Variants in KIAA1217 observed in about 807,000 individuals in gnomAD.
KIAA1217 encodes KIAA1217, also known as sickle tail protein homolog.
Under a neutral mutation model 163.9 loss-of-function variants are expected in KIAA1217, and 88 were observed. The ratio of observed to expected loss-of-function variants is 0.54; its 90% CI spans 0.45 to 0.64. KIAA1217 has a LOEUF of 0.64. KIAA1217 is among the 30% of genes least tolerant of loss of function. The pLI, the probability that KIAA1217 is intolerant of heterozygous loss-of-function variation, is 0.00. For missense variants in KIAA1217, 2,372 were observed against 2,475.0 expected (o/e 0.96, Z 0.88); for synonymous variants, 903 against 923.1 (o/e 0.98, Z 0.39).
chr10:24,328,810 C>A (rs2045283246), intron 2 of KIAA1217, among the ~76,000 whole-genome samples: 1 of 151,838 alleles, frequency 6.6e-6, no homozygotes, highest in Admixed American at 6.6e-5. Flanking sequence ...ATACCTACTA[C>A]CATTCTGCTG....
At chr10:24,525,397 C>A (rs2071979129) in intron 13 of KIAA1217, among the ~76,000 whole-genome samples, 1 of 152,142 alleles carries the variant, frequency 6.6e-6, no homozygotes, top group Non-Finnish European at 1.5e-5. Flanking sequence ...CTAAGCCTGT[C>A]TAAGTGGAAC....
intron 1 of KIAA1217, among the ~76,000 whole-genome samples, chr10:23,742,312 C>T (rs1337670406): frequency 6.6e-6 from 1 of 152,116 alleles, no homozygotes; most frequent in Admixed American, 6.6e-5. Flanking sequence ...AAGAGTGTGA[C>T]ATCTTGGAAA....
At position 24,545,523 on chromosome 10, in the gene KIAA1217, C is replaced by A. The variant is rs961245799; in HGVS notation, c.5335-304C>A. On this transcript the variant is annotated intron_variant, in intron 20 of 20. Transcript: ENST00000376454. ...ACACTCCGTCACAATGCCCGACCCCCACCCCAGTAATTATCCAGACGCATG... is the reference window on the plus strand; with the variant it reads ...ACACTCCGTCACAATGCCCGACCCCAACCCCAGTAATTATCCAGACGCATG... The A allele has an allele frequency of 5.3e-6, 7 of 1,310,420 alleles. No homozygotes were observed. The African/African-American group carries it at 7.4e-5, about 14-fold the overall frequency. The allele number at this position is 1,310,420 out of a possible 1,614,324, so 81.2% of individuals were successfully genotyped here.
At chr10:24,442,495 C>T (rs1591978238) in intron 5 of KIAA1217, among the ~76,000 whole-genome samples, 1 of 152,112 alleles carries the variant, frequency 6.6e-6, no homozygotes, top group Admixed American at 6.5e-5. Context: ...AATTCAAGAC[C>T]CAAATGTTCA....
intron 2 of KIAA1217, among the ~76,000 whole-genome samples, chr10:24,264,853 GTCTCTCTT>G (rs1421280680): frequency 7.9e-6 from 1 of 127,192 alleles, no homozygotes; most frequent in Admixed American, 8.4e-5. Flanking sequence ...CTCTTTCTCT[GTCTCTCTT>G]TCTCTCTTTC....
At chr10:24,534,385 G>A (rs2073638650) in intron 16 of KIAA1217, among the ~76,000 whole-genome samples, 1 of 152,204 alleles carries the variant, frequency 6.6e-6, no homozygotes, top group Non-Finnish European at 1.5e-5. Context: ...AGGAACTACA[G>A]ATTTATAAAG....
At chr10:24,390,072 A>G (rs536470381) in intron 3 of KIAA1217, among the ~76,000 whole-genome samples, 16 of 152,296 alleles carry the variant, frequency 1.1e-4, no homozygotes, top group African/African-American at 3.8e-4. Context: ...GTGAAGATTC[A>G]GCCCAGTGAT....
At position 23,746,669 on chromosome 10, in the gene KIAA1217, C is replaced by A. The variant is rs745750592; in HGVS notation, c.-321+51435C>A. Among the ~76,000 whole-genome samples, 46 of 152,064 alleles carry A rather than the reference C, an allele frequency of 3.0e-4. 1 individual carries two copies. Among genetic ancestry groups the A allele is most frequent in the Admixed American group, 1.3e-4 (2 of 15,252 alleles). ...CGATCTCCTGACCTTGTGATCCGCC[C>A]ACCTCAGCCTCCCAAAGTGCTGGGA... On this transcript the variant is annotated intron_variant, in intron 1 of 18. Coordinates refer to the KIAA1217 transcript ENST00000376462.
chr10:24,069,475 T>A (rs978460198), intron 2 of KIAA1217, among the ~76,000 whole-genome samples: 3 of 152,192 alleles, frequency 2.0e-5, no homozygotes, highest in African/African-American at 7.2e-5. Flanking sequence ...GAATAGAAGC[T>A]TTTCCTTTGG....
chr10:24,383,804 C>T (rs1382145288), intron 3 of KIAA1217, among the ~76,000 whole-genome samples: 3 of 152,126 alleles, frequency 2.0e-5, no homozygotes, highest in African/African-American at 7.2e-5. Flanking sequence ...TCTTTGTGGC[C>T]GATTGGGGAA....
At chr10:23,970,274 G>T (rs539680601) in intron 1 of KIAA1217, among the ~76,000 whole-genome samples, 19 of 152,142 alleles carry the variant, frequency 1.2e-4, no homozygotes, top group Non-Finnish European at 1.8e-4. Flanking sequence ...CTTACATTTA[G>T]TTCTATGTTC....
chr10:24,544,072 A>G lies in KIAA1217; in HGVS notation c.4802A>G (p.Gln1601Arg), dbSNP rs1221960603. 1 of 1,614,154 alleles carries G rather than the reference A, an allele frequency of 6.2e-7. No homozygotes were observed. The highest frequency in any genetic ancestry group is 1.1e-5 in the South Asian group (1 of 91,068). ...TGTKTGKKTL[Q>R]VVVYEEEEED... Reference sequence around the variant, plus strand: ...ACTAAAACAGGGAAGAAGACTTTGCAAGTGGTAGTCTATGAAGAAGAGGAA... The same window carrying G: ...ACTAAAACAGGGAAGAAGACTTTGCGAGTGGTAGTCTATGAAGAAGAGGAA... Residue 1601 changes from glutamine to arginine, a missense_variant, in exon 19 of 21, where the codon CAA becomes CGA. This residue lies in a region of KIAA1217 where 690 missense variants were observed against 677.5 expected (regional missense o/e 1.02). Transcript: ENST00000376454.
At chr10:24,188,600 C>T (rs1032695381) in intron 2 of KIAA1217, among the ~76,000 whole-genome samples, 6 of 152,146 alleles carry the variant, frequency 3.9e-5, no homozygotes, top group African/African-American at 1.4e-4. Flanking sequence ...TCAGTTTATT[C>T]TTGGTGTTGT....
intron 2 of KIAA1217, among the ~76,000 whole-genome samples, chr10:24,344,585 AG>A (rs1250767887): frequency 6.6e-6 from 1 of 152,198 alleles, no homozygotes; most frequent in East Asian, 1.9e-4. Flanking sequence ...TGCACAGTGA[AG>A]GATTTTTTTC....
chr10:24,532,023 C>A (rs1216025565), intron 15 of KIAA1217, 30 bp downstream of exon 15: 17 of 1,465,240 alleles, frequency 1.2e-5, no homozygotes, highest in Non-Finnish European at 1.5e-5. Flanking sequence ...GGTAAACTGG[C>A]CTCTGGGTTC....
chr10:24,223,710 TC>T (rs766021318), intron 2 of KIAA1217, among the ~76,000 whole-genome samples: 1 of 148,490 alleles, frequency 6.7e-6, no homozygotes, highest in Non-Finnish European at 1.5e-5. Flanking sequence ...AAATCTAGGT[TC>T]TTTTTTTTTT....
chr10:24,301,994 G>A (rs1296596815), intron 2 of KIAA1217, among the ~76,000 whole-genome samples: 3 of 152,138 alleles, frequency 2.0e-5, no homozygotes, highest in Non-Finnish European at 2.9e-5. Flanking sequence ...GCAGTGAGCC[G>A]AGATCACGCC....
At chr10:23,806,574 A>G (rs868140509) in intron 1 of KIAA1217, among the ~76,000 whole-genome samples, 1 of 151,926 alleles carries the variant, frequency 6.6e-6, no homozygotes, top group Admixed American at 6.6e-5. Flanking sequence ...ATTCTCAAAC[A>G]TCTGGGTGGT....
At chr10:23,711,691 G>T (rs1409862164) in intron 1 of KIAA1217, among the ~76,000 whole-genome samples, 1 of 152,188 alleles carries the variant, frequency 6.6e-6, no homozygotes, top group Non-Finnish European at 1.5e-5. Context: ...CACAGAAAGT[G>T]AAGGACAAAG....
Sources: allele counts gnomAD v4.1 joint callset (sites outside exome capture counted in the v4.1 genomes callset), GRCh38; gene constraint gnomAD v4.1.1; regional missense constraint gnomAD v4.1.1; transcripts MANE v1.5; gene names NCBI Gene and HGNC (gene_info 2026-07-23, HGNC 2026-07-21).